TAAR1: variants seen among roughly 807,000 people sequenced by gnomAD.
TAAR1 encodes trace amine associated receptor 1, also known as trace amine-associated receptor 1.
A neutral mutation model predicts 1.2 loss-of-function variants in TAAR1; 1 was observed. The ratio of observed to expected loss-of-function variants is 0.81; its 90% CI spans 0.29 to 3.86. TAAR1 has a LOEUF of 3.86. Ranked by LOEUF, TAAR1 falls within the 30% of genes most tolerant of loss-of-function variation. The probability of loss-of-function intolerance (pLI) is 0.18; values close to 1 mark genes in which losing one functional copy is unlikely to be tolerated. For synonymous variants in TAAR1, 153 were observed against 132.2 expected, an observed-to-expected ratio of 1.16 and a Z score of -1.08; for missense variants, 445 against 405.6, an observed-to-expected ratio of 1.10 and a Z score of -0.83.
intron 1 of TAAR1, among the ~76,000 whole-genome samples, chr6:132,646,615 T>G (rs1777675657): frequency 6.6e-6 from 1 of 152,176 alleles, no homozygotes. Flanking sequence ...ATTTCTTATT[T>G]TATAATTAAT....
chr6:132,652,066 G>C (rs1227064713), intron 1 of TAAR1, among the ~76,000 whole-genome samples: 1 of 152,098 alleles, frequency 6.6e-6, no homozygotes, highest in African/African-American at 2.4e-5. Context: ...TCAAGCATGA[G>C]TAACTATTTT....
chr6:132,653,364 C>T (rs533816315), intron 1 of TAAR1, among the ~76,000 whole-genome samples: 2 of 152,306 alleles, frequency 1.3e-5, no homozygotes, highest in East Asian at 1.9e-4. Flanking sequence ...GTAGGGGCCA[C>T]TTCATACCTT....
intron 1 of TAAR1, among the ~76,000 whole-genome samples, chr6:132,650,761 C>G (rs1223850595): frequency 1.3e-5 from 2 of 152,144 alleles, no homozygotes; most frequent in Non-Finnish European, 2.9e-5. Context: ...GCCCCATACC[C>G]ATCTCTTTAT....
chr6:132,647,357 CGCAT>C (rs1296581003), intron 1 of TAAR1, among the ~76,000 whole-genome samples: 2 of 90,132 alleles, frequency 2.2e-5, no homozygotes, highest in East Asian at 7.9e-4. Flanking sequence ...CACACACATA[CGCAT>C]GCACACACAC....
At position 132,644,135 on chromosome 6, in the gene TAAR1, A is replaced by G. The variant is rs1777631357; in HGVS notation, c.*849T>C. Among the ~76,000 whole-genome samples the G allele has an allele frequency of 6.6e-6, 1 of 152,136 alleles. No homozygotes were observed. Among genetic ancestry groups the G allele is most frequent in the African/African-American group, 2.4e-5 (1 of 41,560 alleles). ...AAGTTAGAAACAACTGGAATTAACAATAGGGAATGGTTAAAAATATATTTG... is the reference window on the plus strand; with the variant it reads ...AAGTTAGAAACAACTGGAATTAACAGTAGGGAATGGTTAAAAATATATTTG... On this transcript the variant is annotated 3_prime_UTR_variant, in exon 2 of 2. Coordinates refer to ENST00000275216, the MANE Select transcript of TAAR1 (RefSeq NM_138327.4).
chr6:132,657,898 T>C (rs1034473439), intron 1 of TAAR1, among the ~76,000 whole-genome samples: 5 of 152,126 alleles, frequency 3.3e-5, no homozygotes, highest in African/African-American at 1.2e-4. Flanking sequence ...TTAATAAAAG[T>C]AAATGTATTG....
chr6:132,647,646 A>AAG lies in TAAR1; in HGVS notation c.-126-1519_-126-1518dup. 1.3e-5 allele frequency among the ~76,000 whole-genome samples: 2 copies of AAG among 148,826 alleles called. 1 individual carries two copies. ...AAGGAAAGAAAGAAAGAAAGAAAGA[A>AAG]AGAAAGAAAGAAAGAAAGAAAGAAA... On this transcript the variant is annotated intron_variant, in intron 1 of 1. Coordinates refer to ENST00000275216, the MANE Select transcript of TAAR1 (RefSeq NM_138327.4).
Position 132,643,431 on chromosome 6 carries a change from A to C in TAAR1, c.*1553T>G, listed in dbSNP as rs1179334802. ...TTTGAAACTGAGAGTGATTAGGGACACTACTTATTTAGTCTTGTGTGTACT... is the reference window on the plus strand; with the variant it reads ...TTTGAAACTGAGAGTGATTAGGGACCCTACTTATTTAGTCTTGTGTGTACT... On this transcript the variant is annotated 3_prime_UTR_variant, in exon 2 of 2. Transcript: ENST00000275216. Among the ~76,000 whole-genome samples, 2 of 152,032 alleles carry C rather than the reference A, an allele frequency of 1.3e-5. No homozygotes were observed. Among genetic ancestry groups the C allele is most frequent in the African/African-American group, 4.8e-5 (2 of 41,436 alleles).
At chr6:132,654,145 T>A (rs148001369) in intron 1 of TAAR1, among the ~76,000 whole-genome samples, 10 of 152,046 alleles carry the variant, frequency 6.6e-5, no homozygotes, top group African/African-American at 2.4e-4. Flanking sequence ...TTTTTAACCA[T>A]GTCCTTAAAT....
At chr6:132,650,070 C>T (rs184986827) in intron 1 of TAAR1, among the ~76,000 whole-genome samples, 272 of 152,308 alleles carry the variant, frequency 1.8e-3, no homozygotes, top group Non-Finnish European at 2.8e-3. Flanking sequence ...TCTCATCTCA[C>T]CTTCCATGGT....
chr6:132,650,797 C>A (rs1012226114), intron 1 of TAAR1, among the ~76,000 whole-genome samples: 2 of 152,192 alleles, frequency 1.3e-5, no homozygotes, highest in Non-Finnish European at 2.9e-5. Context: ...TACCCTCCAA[C>A]TCTCTCTCCC....
In TAAR1 at chr6:132,645,882, T is replaced by C. The variant is rs1242451094; in HGVS notation, c.122A>G (p.Asn41Ser). ...VLIILTTLVG[N>S]LIVIVSISHF... is the part of the protein sequence containing the mutation. Reference sequence around the variant, plus strand: ...TGATATAGAAACAATAACTATCAGATTGCCAACGAGTGTGGTCAGAATTAT... The same window carrying C: ...TGATATAGAAACAATAACTATCAGACTGCCAACGAGTGTGGTCAGAATTAT... The change falls in exon 2 of 2, where the codon AAT (asparagine) becomes AGT (serine). Residue 41 changes from asparagine to serine, a missense_variant. Asn to Ser is a conservative substitution (Grantham distance 46). Transcript: ENST00000275216. The C allele has an allele frequency of 6.2e-7, 1 of 1,613,814 alleles. No homozygotes were observed. The highest frequency in any genetic ancestry group is 1.7e-5 in the Admixed American group (1 of 59,974).
chr6:132,649,795 T>C (rs1777731006), intron 1 of TAAR1, among the ~76,000 whole-genome samples: 1 of 152,018 alleles, frequency 6.6e-6, no homozygotes, highest in African/African-American at 2.4e-5. Flanking sequence ...CCATGACACG[T>C]GGGGATTATG....
intron 1 of TAAR1, among the ~76,000 whole-genome samples, chr6:132,646,625 T>C (rs1777675728): frequency 6.6e-6 from 1 of 152,192 alleles, no homozygotes; most frequent in Non-Finnish European, 1.5e-5. Flanking sequence ...TTATAATTAA[T>C]TGTAATAAGA....
chr6:132,650,264 C>T lies in TAAR1; in HGVS notation c.-126-4135G>A, dbSNP rs112809512. On this transcript the variant is annotated intron_variant, in intron 1 of 1. Transcript: ENST00000275216. ...TTTTACACACCTTTCCACTGTCCTT[C>T]ATTTACTCATGTCTACCTCTTTACT... is the stretch of plus-strand genomic sequence containing the variant. 7.4e-3 allele frequency among the ~76,000 whole-genome samples: 1,133 copies of T among 152,260 alleles called. 15 individuals carry two copies. Among genetic ancestry groups the T allele is most frequent in the African/African-American group, 0.025 (1,057 of 41,546 alleles).
intron 1 of TAAR1, among the ~76,000 whole-genome samples, chr6:132,650,165 G>C (rs1325056880): frequency 6.6e-6 from 1 of 152,110 alleles, no homozygotes; most frequent in Non-Finnish European, 1.5e-5. Flanking sequence ...CAGCCCATGT[G>C]CTTCCTTTCC....
rs1777842621 is a variant in TAAR1, at chr6:132,659,162, T to A, written c.-159A>T. On this transcript the variant is annotated 5_prime_UTR_variant, in exon 1 of 2. Transcript: ENST00000275216. ...GGTAAGAGTGAACACAGTCAGCGGATGAGCAGACAGCAGGAACACTGCCTT... is the reference window on the plus strand; with the variant it reads ...GGTAAGAGTGAACACAGTCAGCGGAAGAGCAGACAGCAGGAACACTGCCTT... 6.6e-6 allele frequency among the ~76,000 whole-genome samples: 1 copy of A among 152,218 alleles called. No individual in the cohort carries two copies. Among genetic ancestry groups the A allele is most frequent in the South Asian group, 2.1e-4 (1 of 4,832 alleles).
At chr6:132,654,648 C>T (rs1403123198) in intron 1 of TAAR1, among the ~76,000 whole-genome samples, 3 of 152,064 alleles carry the variant, frequency 2.0e-5, no homozygotes, top group African/African-American at 7.2e-5. Context: ...CTTATAGCAC[C>T]CATGTATACT....
chr6:132,652,143 G>A (rs1022209872), intron 1 of TAAR1, among the ~76,000 whole-genome samples: 3 of 152,002 alleles, frequency 2.0e-5, no homozygotes, highest in African/African-American at 7.2e-5. Flanking sequence ...CTGGAGCTCT[G>A]TGACTGGTAC....
Sources: gnomAD v4.1 joint callset for allele counts (sites outside exome capture counted in the v4.1 genomes callset) on GRCh38, gnomAD v4.1.1 for gene constraint, MANE v1.5 for transcripts, NCBI Gene and HGNC (gene_info 2026-07-23, HGNC 2026-07-21) for gene names.